The following MAPK6 variants were observed in gnomAD, a reference collection of about 807,000 sequenced individuals.
MAPK6 encodes the protein ERK-3.
Under a neutral mutation model 59.3 loss-of-function variants are expected in MAPK6, and 19 were observed. The observed-to-expected ratio is 0.32, with a 90% CI of 0.22 to 0.47. MAPK6 has a LOEUF of 0.47. MAPK6 is among the 20% of genes least tolerant of loss of function. MAPK6 has a pLI of 1.00. For missense variants in MAPK6, 724 were observed against 847.9 expected (o/e 0.85, Z 1.81); for synonymous variants, 316 against 290.3 (o/e 1.09, Z -0.90).
intron 3 of MAPK6, among the ~76,000 whole-genome samples, chr15:52,007,619 C>T (rs1336752693): frequency 6.6e-6 from 1 of 151,452 alleles, no homozygotes; most frequent in East Asian, 1.9e-4. Flanking sequence ...GGAGGATTTG[C>T]TTGAGCCCAG....
At chr15:51,988,599 G>T (rs917731350) in intron 2 of MAPK6, among the ~76,000 whole-genome samples, 1 of 152,012 alleles carries the variant, frequency 6.6e-6, no homozygotes, top group Non-Finnish European at 1.5e-5. Flanking sequence ...GGGTGTGGTG[G>T]CAAGCACCTG....
intron 3 of MAPK6, 23 bp downstream of exon 3, chr15:52,050,160 A>C (rs199584418): frequency 6.3e-7 from 1 of 1,582,376 alleles, no homozygotes; most frequent in Non-Finnish European, 8.5e-7. Context: ...TGGGGGGAAA[A>C]ATTTTCCCAA....
intron 1 of MAPK6, among the ~76,000 whole-genome samples, chr15:52,033,006 G>C (rs2031099849): frequency 1.3e-5 from 2 of 152,130 alleles, no homozygotes; most frequent in Admixed American, 1.3e-4. Context: ...AATGGAGACA[G>C]GGTCTCACTA....
In MAPK6 at chr15:52,022,799, T is replaced by C. The variant is rs556529829; in HGVS notation, c.-632+3423T>C. On this transcript the variant is annotated intron_variant, in intron 1 of 5. Transcript: ENST00000261845. ...TTCAAATATAGGTAATTAGCTGTAG[T>C]GCATAATTCAGAGTTTAAAAACAAA... Among the ~76,000 whole-genome samples the C allele has an allele frequency of 4.6e-5, 7 of 152,056 alleles. No homozygotes were observed. In the East Asian group the frequency reaches 1.3e-3, roughly 29 times the overall value.
At chr15:52,016,855 T>C (rs562005997), upstream of MAPK6, among the ~76,000 whole-genome samples, 1 of 152,068 alleles carries the variant, frequency 6.6e-6, no homozygotes, top group African/African-American at 2.4e-5. Context: ...ACCATCCTGG[T>C]CAACATGGTA....
chr15:52,016,222 T>C (rs1346278664), upstream of MAPK6, among the ~76,000 whole-genome samples: 3 of 150,970 alleles, frequency 2.0e-5, no homozygotes, highest in East Asian at 2.0e-4. Flanking sequence ...AAACCCCGTC[T>C]CTACTAAAAA....
chr15:52,033,063 T>TAA (rs2031101547), intron 1 of MAPK6, among the ~76,000 whole-genome samples: 1 of 152,162 alleles, frequency 6.6e-6, no homozygotes, highest in African/African-American at 2.4e-5. Flanking sequence ...CCACCTCACT[T>TAA]CCTGAGAAGT....
Position 52,065,196 on chromosome 15 carries a change from G to A in MAPK6, c.*196G>A. ...TTTCATTTTAACTGGCATGTCATTT[G>A]CACACAAAAATAAAGACTAGAGCAA... On this transcript the variant is annotated 3_prime_UTR_variant, in exon 6 of 6. Transcript: ENST00000261845. 1 of 513,552 alleles carries A rather than the reference G, an allele frequency of 1.9e-6. No individual in the cohort carries two copies. Among genetic ancestry groups the A allele is most frequent in the South Asian group, 3.9e-5 (1 of 25,550 alleles). The allele number at this position is 513,552 out of a possible 1,614,324, so 31.8% of individuals were successfully genotyped here.
At chr15:52,027,234 C>A (rs928036073) in intron 1 of MAPK6, among the ~76,000 whole-genome samples, 17 of 147,958 alleles carry the variant, frequency 1.1e-4, no homozygotes, top group Non-Finnish European at 2.5e-4. Flanking sequence ...CCTGTAATCC[C>A]AGCTACTCGG....
At chr15:52,001,604 G>T (rs193136337) in intron 2 of MAPK6, among the ~76,000 whole-genome samples, 1 of 151,342 alleles carries the variant, frequency 6.6e-6, no homozygotes, top group Non-Finnish European at 1.5e-5. Flanking sequence ...CTCCTGCTGG[G>T]TTCAAGCGAT....
intron 3 of MAPK6, among the ~76,000 whole-genome samples, chr15:52,004,894 G>T (rs960727297): frequency 6.6e-6 from 1 of 152,142 alleles, no homozygotes; most frequent in South Asian, 2.1e-4. Context: ...CCCCACTCTG[G>T]ATTTTCCCTT....
chr15:51,994,166 G>A (rs1173121247), intron 2 of MAPK6, among the ~76,000 whole-genome samples: 1 of 152,028 alleles, frequency 6.6e-6, no homozygotes, highest in Non-Finnish European at 1.5e-5. Context: ...CTCTATGTTG[G>A]TCAGGCTGGT....
At chr15:52,015,444 G>A (rs1212692285), upstream of MAPK6, among the ~76,000 whole-genome samples, 1 of 151,674 alleles carries the variant, frequency 6.6e-6, no homozygotes. Flanking sequence ...ACCGCATCTG[G>A]CCAAGCACTG....
intron 2 of MAPK6, among the ~76,000 whole-genome samples, chr15:51,996,249 A>G (rs2057223884): frequency 6.6e-6 from 1 of 152,206 alleles, no homozygotes; most frequent in African/African-American, 2.4e-5. Flanking sequence ...GACCAGGGTC[A>G]ATACCCCCGC....
At chr15:52,051,049 C>A (rs1173500425) in intron 3 of MAPK6, among the ~76,000 whole-genome samples, 3 of 151,596 alleles carry the variant, frequency 2.0e-5, no homozygotes, top group Non-Finnish European at 2.9e-5. Flanking sequence ...ATAACTTTTT[C>A]CCCCTCTATA....
chr15:51,999,640 T>A (rs2057236735), intron 2 of MAPK6, among the ~76,000 whole-genome samples: 1 of 152,138 alleles, frequency 6.6e-6, no homozygotes, highest in Non-Finnish European at 1.5e-5. Flanking sequence ...TTTTTATTTA[T>A]TTATGTATTT....
intron 3 of MAPK6, among the ~76,000 whole-genome samples, chr15:52,053,497 C>T (rs981210227): frequency 6.6e-6 from 1 of 152,152 alleles, no homozygotes; most frequent in African/African-American, 2.4e-5. Context: ...GAATTCTTTA[C>T]ATAATTCTGA....
intron 3 of MAPK6, among the ~76,000 whole-genome samples, chr15:52,052,963 C>G (rs2031828567): frequency 1.3e-5 from 2 of 152,020 alleles, no homozygotes; most frequent in African/African-American, 4.8e-5. Flanking sequence ...GAACAGTTTC[C>G]CAGCGCAGCT....
At chr15:52,018,800 T>C (rs2030356597), upstream of MAPK6, 1 of 152,396 alleles carries the variant, frequency 6.6e-6, no homozygotes, top group African/African-American at 2.4e-5. Flanking sequence ...ATGACCTTAG[T>C]ATTGGCCTCT....
Sources: allele counts gnomAD v4.1 joint callset (sites outside exome capture counted in the v4.1 genomes callset), GRCh38; gene constraint gnomAD v4.1.1; transcripts MANE v1.5; gene names NCBI Gene and HGNC (gene_info 2026-07-23, HGNC 2026-07-21).